The following SDK1 variants were observed in gnomAD, a reference collection of about 807,000 sequenced individuals.
SDK1 encodes the protein sidekick cell adhesion molecule 1, also known as protein sidekick-1.
Under a neutral mutation model 245.5 loss-of-function variants are expected in SDK1, and 157 were observed. That is an observed-to-expected ratio of 0.64 (90% confidence interval 0.56 to 0.73). The LOEUF (loss-of-function observed/expected upper bound fraction) is 0.73. SDK1 is among the 30% of genes least tolerant of loss of function. The pLI, the probability that SDK1 is intolerant of heterozygous loss-of-function variation, is 0.00. For missense variants in SDK1, 3,583 were observed against 3,002.3 expected (o/e 1.19, Z -4.52); for synonymous variants, 1,647 against 1,278.5 (o/e 1.29, Z -6.15).
intron 5 of SDK1, among the ~76,000 whole-genome samples, chr7:3,929,671 A>G (rs11762494): frequency 0.054 from 8,183 of 152,238 alleles, 323 homozygotes; most frequent in Middle Eastern, 0.082. Context: ...AGGAAAGGTC[A>G]GAGTGATAGG....
At chr7:3,841,393 G>A (rs938216312) in intron 5 of SDK1, among the ~76,000 whole-genome samples, 2 of 152,118 alleles carry the variant, frequency 1.3e-5, no homozygotes, top group Non-Finnish European at 2.9e-5. Flanking sequence ...GCAGCTCAGG[G>A]CCCAGGAGTT....
chr7:3,616,292 G>C (rs1781768872), intron 1 of SDK1, among the ~76,000 whole-genome samples: 1 of 152,100 alleles, frequency 6.6e-6, no homozygotes, highest in African/African-American at 2.4e-5. Flanking sequence ...TTAATACTCG[G>C]ACACTTGAAT....
chr7:3,781,586 T>C (rs1362358484), intron 4 of SDK1, among the ~76,000 whole-genome samples: 1 of 152,060 alleles, frequency 6.6e-6, no homozygotes, highest in African/African-American at 2.4e-5. Flanking sequence ...GAAATGGAGA[T>C]CTGTAAAACT....
chr7:3,841,517 G>C (rs1780157530), intron 5 of SDK1, among the ~76,000 whole-genome samples: 1 of 152,074 alleles, frequency 6.6e-6, no homozygotes, highest in Admixed American at 6.6e-5. Flanking sequence ...CAGGTGGCTA[G>C]AACCAGAACT....
chr7:3,629,928 G>C (rs949036526), intron 2 of SDK1, among the ~76,000 whole-genome samples: 1 of 152,130 alleles, frequency 6.6e-6, no homozygotes, highest in African/African-American at 2.4e-5. Flanking sequence ...TATGATCAAA[G>C]TAGAGACACG....
chr7:4,092,866 A>T (rs552088890), intron 22 of SDK1, among the ~76,000 whole-genome samples: 2 of 152,314 alleles, frequency 1.3e-5, no homozygotes, highest in East Asian at 3.9e-4. Context: ...AGAGCAGGGC[A>T]GGGACGAAAG....
intron 1 of SDK1, among the ~76,000 whole-genome samples, chr7:3,445,107 G>A (rs1262612571): frequency 1.3e-5 from 2 of 152,058 alleles, no homozygotes; most frequent in Non-Finnish European, 1.5e-5. Context: ...CTTATAAAAT[G>A]CCTTACTCTG....
In SDK1 at chr7:4,235,057, G is replaced by A. The variant is rs147382612; in HGVS notation, c.5992+1638G>A. Among the ~76,000 whole-genome samples, 109 of 152,294 alleles carry A rather than the reference G, an allele frequency of 7.2e-4. 2 individuals are homozygous for A. The East Asian group carries it at 0.011, about 16-fold the overall frequency. On this transcript the variant is annotated intron_variant, in intron 41 of 44. Transcript: ENST00000404826. ...AGTTTGGAGGAACGACCCTGTGCTC[G>A]TCTGTGGGTGAGCGTGGGCCCTAAG...
chr7:4,033,947 A>T (rs190744264), intron 17 of SDK1, among the ~76,000 whole-genome samples: 1 of 152,300 alleles, frequency 6.6e-6, no homozygotes, highest in African/African-American at 2.4e-5. Flanking sequence ...CAAAGTATGT[A>T]TACATCACAA....
intron 5 of SDK1, among the ~76,000 whole-genome samples, chr7:3,841,571 TTC>T (rs1187509711): frequency 6.8e-6 from 1 of 148,068 alleles, no homozygotes; most frequent in African/African-American, 2.7e-5. Context: ...TTTTCTCTTT[TTC>T]TTTTTTTTTT....
chr7:4,256,801 C>G (rs960949672), intron 44 of SDK1, among the ~76,000 whole-genome samples: 1 of 152,152 alleles, frequency 6.6e-6, no homozygotes, highest in African/African-American at 2.4e-5. Context: ...GTGGTCTCTG[C>G]TAGAAAAACT....
intron 1 of SDK1, among the ~76,000 whole-genome samples, chr7:3,586,515 G>A (rs532456077): frequency 3.3e-5 from 5 of 151,000 alleles, no homozygotes; most frequent in Non-Finnish European, 7.4e-5. Context: ...GGCTAACACC[G>A]TGAAACCCTG....
At chr7:4,154,125 ACT>A (rs1298353670) in intron 30 of SDK1, among the ~76,000 whole-genome samples, 2 of 152,236 alleles carry the variant, frequency 1.3e-5, no homozygotes, top group South Asian at 2.1e-4. Context: ...TATTTAAAAG[ACT>A]CTGCATTTAG....
At chr7:3,669,984 T>A (rs1043120043) in intron 4 of SDK1, among the ~76,000 whole-genome samples, 2 of 152,230 alleles carry the variant, frequency 1.3e-5, no homozygotes, top group African/African-American at 4.8e-5. Flanking sequence ...TACTTCTTTT[T>A]CTCTTCCACC....
chr7:3,899,659 C>T (rs1781716219), intron 5 of SDK1, among the ~76,000 whole-genome samples: 2 of 152,248 alleles, frequency 1.3e-5, no homozygotes, highest in South Asian at 4.1e-4. Flanking sequence ...CAAGCTGCAC[C>T]AGCTCCACAG....
intron 1 of SDK1, among the ~76,000 whole-genome samples, chr7:3,393,271 C>T (rs774950310): frequency 4.7e-4 from 72 of 151,978 alleles, no homozygotes; most frequent in Non-Finnish European, 4.9e-4. Flanking sequence ...CACACCCGGC[C>T]CCTATTTTCA....
chr7:4,098,470 T>C (rs1313288553), intron 22 of SDK1, among the ~76,000 whole-genome samples: 1 of 152,220 alleles, frequency 6.6e-6, no homozygotes, highest in East Asian at 1.9e-4. Flanking sequence ...CATTAGGTTT[T>C]ATATTTCTTT....
intron 1 of SDK1, among the ~76,000 whole-genome samples, chr7:3,402,102 CAGAT>C (rs1235812640): frequency 2.6e-5 from 4 of 152,130 alleles, no homozygotes; most frequent in African/African-American, 7.2e-5. Flanking sequence ...ATGTGACTCA[CAGAT>C]AGAGCAATGT....
intron 1 of SDK1, among the ~76,000 whole-genome samples, chr7:3,445,950 A>AT (rs1420522475): frequency 4.6e-5 from 7 of 151,824 alleles, no homozygotes; most frequent in African/African-American, 1.5e-4. Context: ...CTGGAGACAA[A>AT]TTCTCTTTAT....
Sources: gnomAD v4.1 joint callset for allele counts (sites outside exome capture counted in the v4.1 genomes callset) on GRCh38, gnomAD v4.1.1 for gene constraint, MANE v1.5 for transcripts, NCBI Gene and HGNC (gene_info 2026-07-23, HGNC 2026-07-21) for gene names.